NLRP1: variants seen among roughly 807,000 people sequenced by gnomAD.
NLRP1 encodes NACHT, LRR and PYD domains-containing protein 1.
NLRP1 carries 94 observed loss-of-function variants against 136.7 expected under a neutral mutation model. The observed-to-expected ratio is 0.69, with a 90% CI of 0.58 to 0.82. NLRP1 has a LOEUF of 0.82. Among genes scored for constraint, NLRP1 ranks in the 40% least tolerant of loss-of-function variants. The pLI, the probability that NLRP1 is intolerant of heterozygous loss-of-function variation, is 0.00. For missense variants in NLRP1, 1,575 were observed against 1,802.7 expected (o/e 0.87, Z 2.29); for synonymous variants, 690 against 725.1 (o/e 0.95, Z 0.78).
chr17:5,531,173 A>AATCTATCTATCTATCTATCT (rs5819032), intron 11 of NLRP1, among the ~76,000 whole-genome samples: 16 of 141,580 alleles, frequency 1.1e-4, no homozygotes, highest in African/African-American at 1.3e-4. Context: ...TAATCTATCT[A>AATCTATCTATCTATCTATCT]ATCTATCTAT....
intron 3 of NLRP1, among the ~76,000 whole-genome samples, chr17:5,566,608 T>C (rs552562805): frequency 6.6e-6 from 1 of 152,304 alleles, no homozygotes; most frequent in South Asian, 2.1e-4. Context: ...GAATGATCCA[T>C]GTGCTGAGGA....
In NLRP1 at chr17:5,583,868, A is replaced by C; in HGVS notation, c.90T>G (p.Asn30Lys). Residue 30 changes from asparagine to lysine, a missense_variant, in exon 1 of 17, where the codon AAT becomes AAG. Asn to Lys is a moderately conservative substitution (Grantham distance 94, BLOSUM62 0). Coordinates refer to ENST00000572272, the MANE Select transcript of NLRP1 (RefSeq NM_033004.4). The surrounding 1 kb of genome is among the most constrained non-coding windows in gnomAD (Gnocchi z 4.5). The stretch of plus-strand genomic sequence containing the variant: ...CCGAAGAGCTCCTGGAGTGCGCTTT[A>C]TTGGCGAGCAGAAGCTGGAACTCCT... Reference protein sequence around the residue: ...ELKEFQLLLANKAHSRSSSGE... With the variant: ...ELKEFQLLLAKKAHSRSSSGE... 3 of 1,585,754 alleles carry C rather than the reference A, an allele frequency of 1.9e-6. No homozygotes were observed. The highest frequency in any genetic ancestry group is 2.6e-6 in the Non-Finnish European group (3 of 1,163,918).
chr17:5,519,976 C>A (rs903469083), intron 14 of NLRP1, among the ~76,000 whole-genome samples: 2 of 150,860 alleles, frequency 1.3e-5, no homozygotes, highest in African/African-American at 4.9e-5. Context: ...CCTGCCTCAG[C>A]CCCCTGAGTA....
chr17:5,559,916 TCTCA>T lies in NLRP1; in HGVS notation c.776_779del (p.Val259GlufsTer52). 6.2e-7 allele frequency: 1 copy of T among 1,614,244 alleles called. No homozygotes were observed. Among genetic ancestry groups the T allele is most frequent in the Non-Finnish European group, 8.5e-7 (1 of 1,180,048 alleles). On this transcript the variant is annotated frameshift_variant, in exon 4 of 17. Transcript: ENST00000572272. LOFTEE classifies it high-confidence loss of function. ...AGGGCCATGTGGAACAGAGGCTCTC[TCTCA>T]CAGAAGGCTCCCATGGGTGGTGGTG...
chr17:5,548,688 G>A (rs925771386), intron 5 of NLRP1, among the ~76,000 whole-genome samples: 2 of 152,142 alleles, frequency 1.3e-5, no homozygotes. Flanking sequence ...AGGTACTTCT[G>A]CTGAGGTTAT....
At chr17:5,522,301 G>A (rs1909005937) in intron 12 of NLRP1, among the ~76,000 whole-genome samples, 1 of 152,216 alleles carries the variant, frequency 6.6e-6, no homozygotes. Flanking sequence ...ATTAAGAGGT[G>A]AAGCTTTTAT....
intron 7 of NLRP1, 136 bp downstream of exon 7, chr17:5,539,279 C>A: frequency 1.4e-6 from 1 of 731,440 alleles, no homozygotes; most frequent in South Asian, 2.1e-5. Flanking sequence ...GCGACTTGTC[C>A]AAGTCACACA....
rs1414256114 is a variant in NLRP1, at chr17:5,583,918, C to G, written c.40G>C (p.Glu14Gln). 1.2e-6 allele frequency: 2 copies of G among 1,608,858 alleles called. No homozygotes were observed. Among genetic ancestry groups the G allele is most frequent in the African/African-American group, 1.3e-5 (1 of 74,866 alleles). Residue 14 changes from glutamate (E) to glutamine (Q), a missense_variant, in exon 1 of 17, where the codon GAG (glutamate) becomes CAG (glutamine). Transcript: ENST00000572272. This position sits in a 1 kb window ranked among gnomAD's most constrained non-coding sequence, Gnocchi z 4.5. ...GAWGRLACYLEFLKKEELKEF... is the reference protein window; with the variant it reads ...GAWGRLACYLQFLKKEELKEF... ...TTCAGCTCCTCCTTCTTCAGGAACTCCAAGTAACAGGCCAGGCGGCCCCAG... is the reference window on the plus strand; with the variant it reads ...TTCAGCTCCTCCTTCTTCAGGAACTGCAAGTAACAGGCCAGGCGGCCCCAG...
intron 5 of NLRP1, among the ~76,000 whole-genome samples, chr17:5,542,816 C>T (rs919953908): frequency 4.0e-5 from 6 of 150,322 alleles, no homozygotes; most frequent in African/African-American, 7.3e-5. Context: ...TTCCTCCCTC[C>T]CTCCTTCCCT....
intron 11 of NLRP1, among the ~76,000 whole-genome samples, chr17:5,531,177 T>TATCTA (rs1555543824): frequency 3.0e-4 from 17 of 56,988 alleles, no homozygotes; most frequent in African/African-American, 1.1e-3. Context: ...CTATCTAATC[T>TATCTA]ATCTATCTAT....
In NLRP1 at chr17:5,553,330, C is replaced by T. The variant is rs1232972681; in HGVS notation, c.2528+56G>A. 5 of 1,483,962 alleles carry T rather than the reference C, an allele frequency of 3.4e-6. No individual in the cohort carries two copies. The East Asian group carries it at 9.4e-5, about 28-fold the overall frequency. 91.9% of individuals were successfully genotyped at this position (1,483,962 alleles called of 1,614,324 possible). A position where few individuals can be genotyped will look rare whatever the true frequency, so the allele number is the denominator to read the frequency against. On this transcript the variant is annotated intron_variant, in intron 5 of 16. Coordinates refer to ENST00000572272, the MANE Select transcript of NLRP1 (RefSeq NM_033004.4). ...AAATCCCTCAGCCCAGACTCAGCTT[C>T]TGCCTTGGATCTCTTCCCCATCCCT...
chr17:5,559,754 G>A lies in NLRP1; in HGVS notation c.942C>T (p.Ile314=). The A allele has an allele frequency of 6.2e-7, 1 of 1,614,270 alleles. No individual in the cohort carries two copies. The highest frequency in any genetic ancestry group is 8.5e-7 in the Non-Finnish European group (1 of 1,180,056). ...VEENRGHLIE[I]RDLFGPGLDT... The stretch of plus-strand genomic sequence containing the variant: ...CCAGGCCTGGGCCAAATAAGTCTCT[G>A]ATCTCAATTAAATGTCCTCGATTCT... The change falls in exon 4 of 17, where the codon ATC becomes ATT. Residue 314 remains isoleucine, a synonymous_variant. Transcript: ENST00000572272.
intron 15 of NLRP1, among the ~76,000 whole-genome samples, chr17:5,507,470 A>C (rs1907401567): frequency 1.3e-5 from 2 of 152,158 alleles, no homozygotes; most frequent in Non-Finnish European, 2.9e-5. Flanking sequence ...CGAGGTGGGC[A>C]GATTGCTTGA....
intron 4 of NLRP1, among the ~76,000 whole-genome samples, chr17:5,557,689 C>T (rs761520118): frequency 5.3e-5 from 8 of 152,162 alleles, no homozygotes; most frequent in South Asian, 2.1e-4. Flanking sequence ...CGACAGAGGT[C>T]GGGGAACCGG....
chr17:5,555,278 T>A (rs1277813788), intron 4 of NLRP1, among the ~76,000 whole-genome samples: 7 of 152,204 alleles, frequency 4.6e-5, no homozygotes, highest in Non-Finnish European at 7.3e-5. Context: ...ATTTCTTTAA[T>A]ATCTCTGGTT....
chr17:5,531,357 A>G (rs866082601), intron 11 of NLRP1, among the ~76,000 whole-genome samples: 1 of 152,136 alleles, frequency 6.6e-6, no homozygotes. Flanking sequence ...CTAGGACTAC[A>G]GGTACATGTC....
rs772537562 is a variant in NLRP1 at position 5,520,910 on chromosome 17, C to T, written c.3886G>A (p.Gly1296Ser). The change falls in exon 14 of 17, where the codon GGT (glycine) becomes AGT (serine). Residue 1296 changes from glycine to serine, a missense_variant. Gly to Ser is a moderately conservative substitution (Grantham distance 56). Transcript: ENST00000572272. ...MGCRYTVSGS[G>S]SGMLEILPKE... ...GGGAGTATTTCCAGCATCCCTGAAC[C>T]AGACCCAGACACAGTGTAACGACAG... 1.9e-6 allele frequency: 3 copies of T among 1,609,246 alleles called. No individual in the cohort carries two copies. The highest frequency in any genetic ancestry group is 2.5e-6 in the Non-Finnish European group (3 of 1,177,214).
chr17:5,581,265 A>G (rs1905608588), intron 3 of NLRP1, among the ~76,000 whole-genome samples: 1 of 152,194 alleles, frequency 6.6e-6, no homozygotes, highest in Admixed American at 6.5e-5. Context: ...CTCCCTGTGT[A>G]AGAGTTAAAA....
chr17:5,583,978 G>C lies in NLRP1; in HGVS notation c.-21C>G, dbSNP rs775569911. ...GCCATCTCTGTCCCGGAGTTAAGAG[G>C]GTGTCTGGGGGATGTTCCCAGGTGG... On this transcript the variant is annotated 5_prime_UTR_variant, in exon 1 of 17. Transcript: ENST00000572272. The surrounding 1 kb of genome is among the most constrained non-coding windows in gnomAD (Gnocchi z 4.5). The C allele has an allele frequency of 1.2e-6, 2 of 1,600,894 alleles. No individual in the cohort carries two copies. Among genetic ancestry groups the C allele is most frequent in the South Asian group, 2.2e-5 (2 of 88,890 alleles).
Sources: allele counts gnomAD v4.1 joint callset (sites outside exome capture counted in the v4.1 genomes callset), GRCh38; gene constraint gnomAD v4.1.1; non-coding constraint Gnocchi (gnomAD v3.1); transcripts MANE v1.5; gene names NCBI Gene and HGNC (gene_info 2026-07-23, HGNC 2026-07-21).